The following RBM41 variants were observed in gnomAD, a reference collection of about 807,000 sequenced individuals.
RBM41 encodes RNA-binding protein 41.
A neutral mutation model predicts 30.8 loss-of-function variants in RBM41; 14 were observed. The ratio of observed to expected loss-of-function variants is 0.45; its 90% CI spans 0.30 to 0.71. The LOEUF (loss-of-function observed/expected upper bound fraction) is 0.71. Ranked by LOEUF, RBM41 falls within the 30% of genes least tolerant of loss-of-function variation. The pLI is 0.08. For synonymous variants in RBM41, 120 were observed against 110.1 expected (o/e 1.09, Z -0.56); for missense variants, 276 against 326.3 (o/e 0.85, Z 1.19).
chrX:107,088,415 T>C, intron 6 of RBM41, 21 bp downstream of exon 6: 1 of 1,185,249 alleles, frequency 8.4e-7, no homozygotes, highest in African/African-American at 1.8e-5. Context: ...CCCAGGTTGT[T>C]TTACTTGGTT....
Position 107,115,442 on chromosome X carries a change from T to G in RBM41, c.433A>C (p.Lys145Gln). ...TCCATTTCTCGCCGGGTCAGCTGTT[T>G]GCTCTTTGCAAATCTCTGTGGCAGG... ...LCLPQRFAKS[K>Q]QLTRREMEIE... is the part of the protein sequence containing the mutation. Residue 145 changes from lysine (K) to glutamine (Q), a missense_variant, in exon 4 of 8, where the codon AAA (lysine) becomes CAA (glutamine). Physicochemically the swap from Lys to Gln is moderately conservative, Grantham distance 53. Transcript: ENST00000685964. 2 of 1,212,068 alleles carry G rather than the reference T, an allele frequency of 1.7e-6. No individual in the cohort carries two copies. Among genetic ancestry groups the G allele is most frequent in the Non-Finnish European group, 2.2e-6 (2 of 895,522 alleles).
At chrX:107,111,592 C>A (rs1924478278) in intron 5 of RBM41, among the ~76,000 whole-genome samples, 1 of 111,310 alleles carries the variant, frequency 9.0e-6, no homozygotes, top group Admixed American at 9.5e-5. Flanking sequence ...TATTTGTATA[C>A]CCATGTTCGT....
downstream of RBM41, among the ~76,000 whole-genome samples, chrX:107,061,125 A>G (rs1935631156): frequency 9.0e-6 from 1 of 111,611 alleles, no homozygotes; most frequent in Non-Finnish European, 1.9e-5. Flanking sequence ...GGAGATAACA[A>G]AATGCAATGT....
intron 6 of RBM41, among the ~76,000 whole-genome samples, chrX:107,074,245 T>C (rs1468931640): frequency 9.0e-6 from 1 of 111,389 alleles, no homozygotes; most frequent in East Asian, 2.8e-4. Flanking sequence ...ATATGTATAA[T>C]TTATTATATG....
intron 7 of RBM41, 142 bp from the exon 8 acceptor site, chrX:107,067,835 A>G: frequency 1.4e-6 from 1 of 708,477 alleles, no homozygotes; most frequent in Non-Finnish European, 1.9e-6. Flanking sequence ...TTTTTTCTAT[A>G]ATCTCCCATT....
At chrX:107,053,696 T>C in the RBM41 span, among the ~76,000 whole-genome samples, 1 of 110,749 alleles carries the variant, frequency 9.0e-6, no homozygotes, top group African/African-American at 3.3e-5. Context: ...ACTAGTCCTT[T>C]GTAGGGGCTA....
At chrX:107,118,363 C>T (rs897089315) in intron 1 of RBM41, among the ~76,000 whole-genome samples, 4 of 111,778 alleles carry the variant, frequency 3.6e-5, no homozygotes, top group African/African-American at 1.3e-4. Flanking sequence ...AATGCGCCCG[C>T]CCCGAGCCTT....
intron 5 of RBM41, among the ~76,000 whole-genome samples, chrX:107,092,964 G>A (rs764189180): frequency 2.7e-5 from 3 of 111,817 alleles, no homozygotes; most frequent in Admixed American, 9.5e-5. Flanking sequence ...AAATACAAAT[G>A]TTCATCTAAG....
At chrX:107,079,225 C>T (rs1216204832) in intron 6 of RBM41, among the ~76,000 whole-genome samples, 1 of 111,828 alleles carries the variant, frequency 8.9e-6, no homozygotes, top group Non-Finnish European at 1.9e-5. Flanking sequence ...ACACTTATAT[C>T]TATATTAAGT....
At chrX:107,106,505 A>C (rs372135350) in intron 5 of RBM41, among the ~76,000 whole-genome samples, 11 of 111,739 alleles carry the variant, frequency 9.8e-5, no homozygotes, top group South Asian at 3.8e-4. Context: ...TTGACCCAGC[A>C]ATCCCATTAC....
At chrX:107,061,297 T>C (rs914410511), downstream of RBM41, among the ~76,000 whole-genome samples, 8 of 112,043 alleles carry the variant, frequency 7.1e-5, no homozygotes, top group East Asian at 1.4e-3. Context: ...GGAAGTTGAG[T>C]GAGGATATAT....
chrX:107,104,740 T>C (rs1022221823), intron 5 of RBM41, among the ~76,000 whole-genome samples: 1 of 111,444 alleles, frequency 9.0e-6, no homozygotes, highest in African/African-American at 3.3e-5. Flanking sequence ...ATCCCAGGGA[T>C]GAAGCCCACT....
chrX:107,070,123 T>C (rs1418668909), intron 6 of RBM41: 2 of 281,558 alleles, frequency 7.1e-6, no homozygotes, highest in East Asian at 2.0e-4. Context: ...GGGGTTAAAA[T>C]AAGGCAAATC....
intron 6 of RBM41, among the ~76,000 whole-genome samples, chrX:107,085,197 T>C (rs777472482): frequency 9.0e-6 from 1 of 111,307 alleles, no homozygotes; most frequent in Non-Finnish European, 1.9e-5. Context: ...GAAGTGGTTG[T>C]ATTCATTTAT....
rs1478562435 is a variant in RBM41 at position 107,065,742 on chromosome X, C to T, written c.*1785G>A. ...CTTTAGTACAAGACAGTTTTGCTTCCACTCAGCTTCTTCAACCTGTTATCG... is the reference window on the plus strand; with the variant it reads ...CTTTAGTACAAGACAGTTTTGCTTCTACTCAGCTTCTTCAACCTGTTATCG... On this transcript the variant is annotated 3_prime_UTR_variant, in exon 8 of 8. Coordinates refer to ENST00000685964, the MANE Select transcript of RBM41 (RefSeq NM_001324242.2). The T allele has an allele frequency of 8.7e-7, 1 of 1,153,676 alleles. No individual in the cohort carries two copies. The highest frequency in any genetic ancestry group is 1.2e-6 in the Non-Finnish European group (1 of 866,857).
chrX:107,107,939 T>C (rs942416934), intron 5 of RBM41, among the ~76,000 whole-genome samples: 1 of 111,477 alleles, frequency 9.0e-6, no homozygotes, highest in Non-Finnish European at 1.9e-5. Context: ...AGGAAATATA[T>C]TTCTAGAGAT....
Position 107,118,651 on chromosome X carries a change from GA to G in RBM41, c.8+114del, listed in dbSNP as rs766172756. Reference sequence around the variant, plus strand: ...TCCTTTGTCGTGTTCCCGCTCCCACGAAACCGCATCCTGAGAACGTGCAATA... The same window carrying G: ...TCCTTTGTCGTGTTCCCGCTCCCACGAACCGCATCCTGAGAACGTGCAATA... On this transcript the variant is annotated intron_variant, in intron 1 of 7. Transcript: ENST00000685964. 9 of 1,002,152 alleles carry G rather than the reference GA, an allele frequency of 9.0e-6. No individual in the cohort carries two copies. The South Asian group carries it at 1.8e-4, about 20-fold the overall frequency. The allele number at this position is 1,002,152 out of a possible 1,213,427, so 82.6% of individuals were successfully genotyped here. A position where few individuals can be genotyped will look rare whatever the true frequency, so the allele number is the denominator to read the frequency against.
rs748404447 is a variant in RBM41 at position 107,106,427 on chromosome X, T to G, written c.595+6970A>C. On this transcript the variant is annotated intron_variant, in intron 5 of 7. Coordinates refer to ENST00000685964, the MANE Select transcript of RBM41 (RefSeq NM_001324242.2). Reference sequence around the variant, plus strand: ...CACTTTTACACTGTTGGTGGGACTGTAAACTAGTTCAACCATTGTGGAATT... The same window carrying G: ...CACTTTTACACTGTTGGTGGGACTGGAAACTAGTTCAACCATTGTGGAATT... Among the ~76,000 whole-genome samples the G allele has an allele frequency of 5.5e-3, 615 of 111,511 alleles. 6 individuals are homozygous for G. Among genetic ancestry groups the G allele is most frequent in the African/African-American group, 0.019 (596 of 30,611 alleles).
intron 6 of RBM41, among the ~76,000 whole-genome samples, chrX:107,086,223 A>G (rs991044308): frequency 8.9e-6 from 1 of 111,829 alleles, no homozygotes; most frequent in Non-Finnish European, 1.9e-5. Flanking sequence ...ACCCTGTTAC[A>G]TTAGAAATTG....
Sources: allele counts gnomAD v4.1 joint callset (sites outside exome capture counted in the v4.1 genomes callset), GRCh38; gene constraint gnomAD v4.1.1; transcripts MANE v1.5; gene names NCBI Gene and HGNC (gene_info 2026-07-23, HGNC 2026-07-21).